Variants in SLA observed in about 807,000 individuals in gnomAD.
The protein encoded by SLA is Src like adaptor.
In SLA, 16 loss-of-function variants were observed where a neutral mutation model predicts 30.3. That is an observed-to-expected ratio of 0.53 (90% confidence interval 0.36 to 0.80). The LOEUF is 0.80. SLA is among the 30% of genes least tolerant of loss of function. The probability of loss-of-function intolerance (pLI) is 0.01; values close to 1 mark genes in which losing one functional copy is unlikely to be tolerated. For synonymous variants in SLA, 143 were observed against 137.8 expected, an observed-to-expected ratio of 1.04 and a Z score of -0.26; for missense variants, 310 against 345.2, an observed-to-expected ratio of 0.90 and a Z score of 0.81.
rs540543272 is a variant in SLA at position 133,078,904 on chromosome 8, A to G, written c.-318-3774T>C. Among the ~76,000 whole-genome samples the G allele has an allele frequency of 1.7e-4, 26 of 152,304 alleles. 1 individual carries two copies. The highest frequency in any genetic ancestry group is 1.0e-3 in the South Asian group (5 of 4,824). ...GAGTTTCTGATCTAGCAGAGGAGAC[A>G]GACACACATATCAAAACCCCAGGGT... On this transcript the variant is annotated intron_variant, in intron 1 of 8. Coordinates refer to ENST00000338087, the MANE Select transcript of SLA (RefSeq NM_001045556.3).
At chr8:133,092,503 C>T (rs1220204554) in intron 1 of SLA, among the ~76,000 whole-genome samples, 1 of 152,168 alleles carries the variant, frequency 6.6e-6, no homozygotes, top group Non-Finnish European at 1.5e-5. Context: ...CCTGTGGGGT[C>T]CCGTGAATGT....
intron 2 of SLA, among the ~76,000 whole-genome samples, chr8:133,064,801 T>G (rs1842831703): frequency 6.6e-6 from 1 of 152,226 alleles, no homozygotes; most frequent in Non-Finnish European, 1.5e-5. Flanking sequence ...CTTCCATTCC[T>G]GGGACAGTGT....
intron 1 of SLA, among the ~76,000 whole-genome samples, chr8:133,079,137 G>T (rs553199503): frequency 2.6e-5 from 4 of 152,142 alleles, no homozygotes; most frequent in Admixed American, 6.5e-5. Context: ...CCCCACCAAG[G>T]ACGTCAAGTG....
Position 133,040,282 on chromosome 8 carries a change from A to G in SLA, c.485-152T>C, listed in dbSNP as rs568295670. On this transcript the variant is annotated intron_variant, in intron 7 of 8. Coordinates refer to ENST00000338087, the MANE Select transcript of SLA (RefSeq NM_001045556.3). ...CAAAGGGGCATGGTAGGTGGTGACA[A>G]TGCTGAAAGTCACGCGCCCAGCTGT... 12 of 800,232 alleles carry G rather than the reference A, an allele frequency of 1.5e-5. No homozygotes were observed. The Admixed American group carries it at 1.6e-4, about 11-fold the overall frequency. The allele number at this position is 800,232 out of a possible 1,614,324, so 49.6% of individuals were successfully genotyped here.
chr8:133,096,684 T>A (rs965496993), intron 1 of SLA, among the ~76,000 whole-genome samples: 1 of 152,170 alleles, frequency 6.6e-6, no homozygotes, highest in Non-Finnish European at 1.5e-5. Flanking sequence ...CCACCCATAT[T>A]TCATGGAGGA....
chr8:133,045,131 G>C lies in SLA; in HGVS notation c.353-16C>G. On this transcript the variant is annotated splice_polypyrimidine_tract_variant and intron_variant, in intron 6 of 8. Coordinates refer to ENST00000338087, the MANE Select transcript of SLA (RefSeq NM_001045556.3). ...GAGTAAAACCCTGCAGGAGGTGGAG[G>C]ATAAGTCAGTGGGCTCCACCTGTCC... 1 of 1,613,774 alleles carries C rather than the reference G, an allele frequency of 6.2e-7. No individual in the cohort carries two copies. Among genetic ancestry groups the C allele is most frequent in the Non-Finnish European group, 8.5e-7 (1 of 1,179,794 alleles).
At position 133,090,406 on chromosome 8, in the gene SLA, G is replaced by C. The variant is rs1847305585; in HGVS notation, c.-319+12147C>G. The stretch of plus-strand genomic sequence containing the variant: ...CCTGATTTAACTTCATAGTGCTGTG[G>C]CAGGACATAAATCAAGAGAGTGAGC... On this transcript the variant is annotated intron_variant, in intron 1 of 8. Coordinates refer to ENST00000338087, the MANE Select transcript of SLA (RefSeq NM_001045556.3). 3.3e-5 allele frequency among the ~76,000 whole-genome samples: 5 copies of C among 152,302 alleles called. 1 individual carries two copies. The South Asian group carries it at 1.0e-3, about 32-fold the overall frequency.
intron 3 of SLA, among the ~76,000 whole-genome samples, chr8:133,057,175 T>C (rs17695552): frequency 0.19 from 28,617 of 146,814 alleles, 2,979 homozygotes; most frequent in Non-Finnish European, 0.23. Flanking sequence ...CTGCTGCCTC[T>C]GTTGGTGCCT....
At chr8:133,041,784 G>GTTTTC (rs1838291216) in intron 7 of SLA, among the ~76,000 whole-genome samples, 1 of 124,422 alleles carries the variant, frequency 8.0e-6, no homozygotes, top group Non-Finnish European at 1.7e-5. Context: ...CTTGTGGTCA[G>GTTTTC]TTTTTTTTTT....
At chr8:133,099,005 T>A (rs983173265) in intron 1 of SLA, among the ~76,000 whole-genome samples, 1 of 152,178 alleles carries the variant, frequency 6.6e-6, no homozygotes, top group Non-Finnish European at 1.5e-5. Flanking sequence ...AAGGATGCAT[T>A]TGCATTCTTC....
At chr8:133,074,455 T>C (rs1844560423) in intron 2 of SLA, among the ~76,000 whole-genome samples, 1 of 152,188 alleles carries the variant, frequency 6.6e-6, no homozygotes, top group Admixed American at 6.5e-5. Flanking sequence ...GTGCATTAGG[T>C]ACCATCATTG....
chr8:133,055,363 G>GCACACACACACACACACA (rs1219639810), intron 3 of SLA, among the ~76,000 whole-genome samples: 1 of 31,986 alleles, frequency 3.1e-5, no homozygotes, highest in East Asian at 4.7e-4. Flanking sequence ...ACACGCACGC[G>GCACACACACACACACACA]CGCACACACA....
chr8:133,086,972 T>C (rs771749581), intron 1 of SLA, among the ~76,000 whole-genome samples: 2 of 151,854 alleles, frequency 1.3e-5, no homozygotes, highest in Non-Finnish European at 2.9e-5. Flanking sequence ...ATCTTGTAAA[T>C]AAATAAGTAA....
intron 2 of SLA, among the ~76,000 whole-genome samples, chr8:133,060,932 GGTTTTCA>G (rs1481993909): frequency 6.6e-6 from 1 of 152,190 alleles, no homozygotes; most frequent in Non-Finnish European, 1.5e-5. Flanking sequence ...GCTCCATAAC[GGTTTTCA>G]AGTTAACCAC....
At chr8:133,067,789 AG>A (rs1843237244) in intron 2 of SLA, among the ~76,000 whole-genome samples, 1 of 149,284 alleles carries the variant, frequency 6.7e-6, no homozygotes, top group Non-Finnish European at 1.5e-5. Context: ...AAAGAAAGAA[AG>A]AAAAAGAAAG....
chr8:133,047,690 G>A (rs768015620), intron 6 of SLA, 140 bp downstream of exon 6: 15 of 684,228 alleles, frequency 2.2e-5, no homozygotes, highest in Non-Finnish European at 3.8e-5. Context: ...AGCAGCGTGT[G>A]GGCTGCAGGG....
chr8:133,069,195 A>G (rs1843566962), intron 2 of SLA, among the ~76,000 whole-genome samples: 2 of 152,268 alleles, frequency 1.3e-5, no homozygotes, highest in Non-Finnish European at 2.9e-5. Flanking sequence ...CACAGGGACT[A>G]TAAAGTCCGT....
At chr8:133,076,747 G>T (rs1327217933) in intron 1 of SLA, 1 of 135,124 alleles carries the variant, frequency 7.4e-6, no homozygotes, top group Non-Finnish European at 1.6e-5. Context: ...TCCACAAACT[G>T]GGATTTAGCT....
chr8:133,052,624 C>T (rs1365872140), intron 3 of SLA, among the ~76,000 whole-genome samples: 1 of 152,220 alleles, frequency 6.6e-6, no homozygotes, highest in Non-Finnish European at 1.5e-5. Context: ...GGCAGCATTA[C>T]AGTTGTGTTA....
Sources: gnomAD v4.1 joint callset for allele counts (sites outside exome capture counted in the v4.1 genomes callset) on GRCh38, gnomAD v4.1.1 for gene constraint, MANE v1.5 for transcripts, NCBI Gene and HGNC (gene_info 2026-07-23, HGNC 2026-07-21) for gene names.